The following MED12L variants were observed in gnomAD, a reference collection of about 807,000 sequenced individuals.
The protein encoded by MED12L is mediator complex subunit 12L.
MED12L carries 60 observed loss-of-function variants against 281.3 expected under a neutral mutation model. The ratio of observed to expected loss-of-function variants is 0.21; its 90% confidence interval spans 0.17 to 0.26. The LOEUF (loss-of-function observed/expected upper bound fraction) is 0.26. MED12L is among the 10% of genes least tolerant of loss of function. MED12L has a pLI of 1.00. For synonymous variants in MED12L, 974 were observed against 987.2 expected, an observed-to-expected ratio of 0.99 and a Z score of 0.25; for missense variants, 2,146 against 2,680.9, an observed-to-expected ratio of 0.80 and a Z score of 4.41.
At chr3:151,272,076 G>A (rs1465792831) in intron 16 of MED12L, among the ~76,000 whole-genome samples, 2 of 152,200 alleles carry the variant, frequency 1.3e-5, no homozygotes, top group Non-Finnish European at 2.9e-5. Context: ...CATACACAGA[G>A]CAGATTGTAA....
At chr3:151,330,078 A>G (rs1012621332) in intron 16 of MED12L, among the ~76,000 whole-genome samples, 2 of 152,202 alleles carry the variant, frequency 1.3e-5, no homozygotes, top group Non-Finnish European at 2.9e-5. Flanking sequence ...AGTTCCACCA[A>G]TTAATTGGGA....
intron 16 of MED12L, among the ~76,000 whole-genome samples, chr3:151,346,766 A>G (rs1752599072): frequency 6.6e-6 from 1 of 152,076 alleles, no homozygotes; most frequent in Non-Finnish European, 1.5e-5. Context: ...CACCCCTCCC[A>G]GGACTTGACA....
Position 151,193,472 on chromosome 3 carries a change from T to A in MED12L, c.2074-18T>A, listed in dbSNP as rs373187444. The A allele has an allele frequency of 5.6e-5, 89 of 1,602,762 alleles. No homozygotes were observed. The highest frequency in any genetic ancestry group is 7.2e-5 in the Non-Finnish European group (85 of 1,173,150). ...GGCTTTCATTTACAATCTCCAACAT[T>A]TGTTTTACATGACTTAGATTTTTTC... On this transcript the variant is annotated intron_variant, in intron 15 of 44. Transcript: ENST00000687756.
At position 151,340,882 on chromosome 3, in the gene MED12L, T is replaced by C. The variant is rs548451133; in HGVS notation, c.2251-9177T>C. The C allele has an allele frequency of 1.1e-3, 171 of 152,416 alleles. 3 individuals carry two copies. Among genetic ancestry groups the C allele is most frequent in the African/African-American group, 3.6e-3 (148 of 41,590 alleles). 9.4% of individuals were successfully genotyped at this position (152,416 alleles called of 1,614,324 possible). A position where few individuals can be genotyped will look rare whatever the true frequency, so the allele number is the denominator to read the frequency against. ...TGTCCTCTTTTAGGACTTCTGCTTT[T>C]ATTTCCCAGGAAATGTGGGATGAGG... On this transcript the variant is annotated intron_variant, in intron 16 of 44. Coordinates refer to ENST00000687756, the MANE Select transcript of MED12L (RefSeq NM_001393769.1).
At chr3:151,105,162 G>C (rs1371168831) in intron 2 of MED12L, among the ~76,000 whole-genome samples, 1 of 152,080 alleles carries the variant, frequency 6.6e-6, no homozygotes, top group African/African-American at 2.4e-5. Context: ...GGCCTGGGTT[G>C]GCAGCTCATT....
chr3:151,157,163 A>G (rs1280592310), intron 6 of MED12L, among the ~76,000 whole-genome samples: 1 of 152,140 alleles, frequency 6.6e-6, no homozygotes, highest in East Asian at 1.9e-4. Flanking sequence ...TTTAGTCTGC[A>G]TCTTGGAAAA....
Position 151,173,949 on chromosome 3 carries a change from A to G in MED12L, c.1494+7967A>G, listed in dbSNP as rs1003602563. Reference sequence around the variant, plus strand: ...AGGCAAGCAGTAAAGTTTTTTGTACAGTGATGAATTTTGGAAATTACGCAT... The same window carrying G: ...AGGCAAGCAGTAAAGTTTTTTGTACGGTGATGAATTTTGGAAATTACGCAT... On this transcript the variant is annotated intron_variant, in intron 11 of 44. Transcript: ENST00000687756. Among the ~76,000 whole-genome samples, 3 of 152,216 alleles carry G rather than the reference A, an allele frequency of 2.0e-5. No homozygotes were observed. In the South Asian group the frequency reaches 6.2e-4, roughly 32 times the overall value.
At position 151,139,281 on chromosome 3, in the gene MED12L, A is replaced by G. The variant is rs934798637; in HGVS notation, c.556+11297A>G. Among the ~76,000 whole-genome samples the G allele has an allele frequency of 2.6e-5, 4 of 152,192 alleles. No homozygotes were observed. The East Asian group carries it at 7.7e-4, about 29-fold the overall frequency. ...GTATATTTTCTGTTCCAATCCTATAATGAGCCATTTCTCCAAGGAGCCCTG... is the reference window on the plus strand; with the variant it reads ...GTATATTTTCTGTTCCAATCCTATAGTGAGCCATTTCTCCAAGGAGCCCTG... On this transcript the variant is annotated intron_variant, in intron 5 of 44. Coordinates refer to ENST00000687756, the MANE Select transcript of MED12L (RefSeq NM_001393769.1).
Position 151,160,091 on chromosome 3 carries a change from G to GT in MED12L, c.1098dup (p.Met367TyrfsTer21). The GT allele has an allele frequency of 6.3e-7, 1 of 1,596,922 alleles. No homozygotes were observed. The highest frequency in any genetic ancestry group is 8.6e-7 in the Non-Finnish European group (1 of 1,169,554). ...GGTCCCCTGGTTTATGGACTTAGTT[G>GT]TATGTTGCAGGTAAGTCCTTGGCCC... On this transcript the variant is annotated frameshift_variant, in exon 8 of 45. Transcript: ENST00000687756. LOFTEE classifies it high-confidence loss of function.
At chr3:151,127,572 G>A (rs764955340) in intron 4 of MED12L, among the ~76,000 whole-genome samples, 1 of 152,044 alleles carries the variant, frequency 6.6e-6, no homozygotes, top group Non-Finnish European at 1.5e-5. Flanking sequence ...AAAATGGAAA[G>A]CACAACTAGT....
At chr3:151,417,765 C>T (rs559654312) in intron 43 of MED12L, among the ~76,000 whole-genome samples, 142 of 152,200 alleles carry the variant, frequency 9.3e-4, no homozygotes, top group Non-Finnish European at 1.6e-3. Flanking sequence ...CCACTGTGCC[C>T]GGCCTATTCC....
At chr3:151,142,002 T>G (rs1488025917) in intron 5 of MED12L, among the ~76,000 whole-genome samples, 1 of 152,218 alleles carries the variant, frequency 6.6e-6, no homozygotes, top group Non-Finnish European at 1.5e-5. Flanking sequence ...CCCTACCCTC[T>G]TTATGGCTAT....
At chr3:151,421,744 T>G (rs902786865) in intron 43 of MED12L, among the ~76,000 whole-genome samples, 3 of 152,108 alleles carry the variant, frequency 2.0e-5, no homozygotes, top group African/African-American at 7.2e-5. Context: ...CTTTCGGTAT[T>G]TTTCTTTTTC....
intron 16 of MED12L, among the ~76,000 whole-genome samples, chr3:151,345,487 G>C (rs1465424951): frequency 1.3e-5 from 2 of 150,140 alleles, no homozygotes; most frequent in Non-Finnish European, 3.0e-5. Context: ...CTATTTGAAG[G>C]CTTCTACGTT....
At chr3:151,401,560 A>AT (rs1715686636) in intron 39 of MED12L, among the ~76,000 whole-genome samples, 1 of 152,130 alleles carries the variant, frequency 6.6e-6, no homozygotes, top group South Asian at 2.1e-4. Flanking sequence ...GAGTTTAACC[A>AT]TTTTTTATAA....
intron 23 of MED12L, 48 bp downstream of exon 23, chr3:151,366,039 T>G: frequency 7.1e-7 from 1 of 1,409,308 alleles, no homozygotes; most frequent in Non-Finnish European, 9.4e-7. Flanking sequence ...ATTAAATATT[T>G]AGTTAGTGGG....
chr3:151,114,569 A>G (rs1290624769), intron 2 of MED12L, among the ~76,000 whole-genome samples: 1 of 152,144 alleles, frequency 6.6e-6, no homozygotes, highest in Non-Finnish European at 1.5e-5. Flanking sequence ...GAATAAGTGT[A>G]TCTTATTCTT....
At position 151,377,103 on chromosome 3, in the gene MED12L, G is replaced by T. The variant is rs760640437; in HGVS notation, c.4241G>T (p.Ser1414Ile). ...AATAATTCTTCTAATTCTGGCATGA[G>T]CCTCTTCAACCCAAACAGTATTGGA... ...DLNNSSNSGM[S>I]LFNPNSIGSA... The change falls in exon 30 of 45, where the codon AGC becomes ATC. Residue 1414 changes from serine to isoleucine, a missense_variant. By Grantham distance (142) the Ser-to-Ile change is moderately radical. Around this residue, in one of 9 missense-constraint regions of MED12L, gnomAD observed 235 missense variants for 260.3 expected, o/e 0.90. Transcript: ENST00000687756. 4.3e-6 allele frequency: 7 copies of T among 1,613,944 alleles called. No individual in the cohort carries two copies. Among genetic ancestry groups the T allele is most frequent in the Non-Finnish European group, 4.2e-6 (5 of 1,179,956 alleles).
At chr3:151,360,206 A>G (rs1228862515) in intron 20 of MED12L, among the ~76,000 whole-genome samples, 1 of 152,140 alleles carries the variant, frequency 6.6e-6, no homozygotes, top group African/African-American at 2.4e-5. Flanking sequence ...GGATTCCTCC[A>G]TACGTACCTT....
Sources: gnomAD v4.1 joint callset for allele counts (sites outside exome capture counted in the v4.1 genomes callset) on GRCh38, gnomAD v4.1.1 for gene constraint, gnomAD v4.1.1 regional missense constraint, MANE v1.5 for transcripts, NCBI Gene and HGNC (gene_info 2026-07-23, HGNC 2026-07-21) for gene names.